OCA2: variants seen among roughly 807,000 people sequenced by gnomAD.
OCA2 encodes OCA2 melanosomal transmembrane protein, also known as P protein.
OCA2 carries 77 observed loss-of-function variants against 100.2 expected under a neutral mutation model. The ratio of observed to expected loss-of-function variants is 0.77; its 90% confidence interval spans 0.64 to 0.93. The LOEUF is 0.93. OCA2 is among the 40% of genes least tolerant of loss of function. The probability of loss-of-function intolerance (pLI) is 0.00; values close to 1 mark genes in which losing one functional copy is unlikely to be tolerated. For missense variants in OCA2, 1,062 were observed against 1,089.1 expected, an observed-to-expected ratio of 0.98 and a Z score of 0.35; for synonymous variants, 432 against 439.2, an observed-to-expected ratio of 0.98 and a Z score of 0.21.
intron 18 of OCA2, among the ~76,000 whole-genome samples, chr15:27,949,590 G>A (rs2039964166): frequency 6.6e-6 from 1 of 152,112 alleles, no homozygotes; most frequent in South Asian, 2.1e-4. Flanking sequence ...TTGAGCCCAG[G>A]AGGCAGAGGC....
At chr15:27,912,204 C>G (rs2038423493) in intron 19 of OCA2, among the ~76,000 whole-genome samples, 1 of 152,044 alleles carries the variant, frequency 6.6e-6, no homozygotes, top group Non-Finnish European at 1.5e-5. Flanking sequence ...TGTTGGTATA[C>G]AAACACATAT....
chr15:27,868,425 A>T (rs2036410653), intron 21 of OCA2, among the ~76,000 whole-genome samples: 1 of 152,224 alleles, frequency 6.6e-6, no homozygotes, highest in African/African-American at 2.4e-5. Context: ...GACAACATGG[A>T]TGAACGCAGA....
At chr15:27,847,187 C>T (rs1193598685) in intron 22 of OCA2, among the ~76,000 whole-genome samples, 5 of 152,240 alleles carry the variant, frequency 3.3e-5, no homozygotes, top group African/African-American at 1.2e-4. Context: ...AGCCCTGTTT[C>T]TTTAAAGAAT....
chr15:28,017,865 G>C (rs2042448428), intron 7 of OCA2, among the ~76,000 whole-genome samples: 1 of 152,146 alleles, frequency 6.6e-6, no homozygotes, highest in Non-Finnish European at 1.5e-5. Flanking sequence ...CCTGCCTCTG[G>C]AGTCTAGGCT....
chr15:27,753,563 G>C (rs993309738), downstream of OCA2, among the ~76,000 whole-genome samples: 9 of 151,882 alleles, frequency 5.9e-5, no homozygotes, highest in African/African-American at 2.2e-4. Flanking sequence ...GAAACCCCGT[G>C]TCTACTAAAA....
intron 21 of OCA2, among the ~76,000 whole-genome samples, chr15:27,870,103 C>A (rs960912438): frequency 1.4e-4 from 22 of 152,234 alleles, no homozygotes; most frequent in African/African-American, 2.4e-5. Context: ...GTCGGCGCTG[C>A]ATGAGCCTGG....
At position 27,957,535 on chromosome 15, in the gene OCA2, T is replaced by A. The variant is rs997304283; in HGVS notation, c.1784+53A>T. 8 of 1,603,590 alleles carry A rather than the reference T, an allele frequency of 5.0e-6. No individual in the cohort carries two copies. The East Asian group carries it at 1.8e-4, about 36-fold the overall frequency. On this transcript the variant is annotated intron_variant, in intron 16 of 23. Transcript: ENST00000354638. The surrounding 1 kb of genome is among the most constrained non-coding windows in gnomAD (Gnocchi z 4.3). Reference sequence around the variant, plus strand: ...CTAATGTCGCTATTTTGTAGGCCCATGGAATGTTCTGCTGCACACCAAGCA... The same window carrying A: ...CTAATGTCGCTATTTTGTAGGCCCAAGGAATGTTCTGCTGCACACCAAGCA...
intron 22 of OCA2, among the ~76,000 whole-genome samples, chr15:27,845,393 T>C (rs960108725): frequency 2.0e-5 from 3 of 152,070 alleles, no homozygotes; most frequent in Non-Finnish European, 4.4e-5. Flanking sequence ...AGAACGTGTG[T>C]CCCTCAGGAA....
At chr15:27,949,422 G>A (rs992900746) in intron 18 of OCA2, among the ~76,000 whole-genome samples, 5 of 152,192 alleles carry the variant, frequency 3.3e-5, no homozygotes, top group Non-Finnish European at 7.3e-5. Context: ...CCGCACTTTG[G>A]GAGGCTGAGG....
chr15:28,033,316 G>A (rs1162913544), intron 2 of OCA2, among the ~76,000 whole-genome samples: 1 of 152,206 alleles, frequency 6.6e-6, no homozygotes, highest in Non-Finnish European at 1.5e-5. Flanking sequence ...AGATGCTGTA[G>A]ATGCTATGAA....
chr15:27,869,036 C>T (rs1162685785), intron 21 of OCA2, among the ~76,000 whole-genome samples: 2 of 152,234 alleles, frequency 1.3e-5, no homozygotes, highest in Admixed American at 6.5e-5. Context: ...TTGTGACCAT[C>T]GCTGCATGCC....
At chr15:28,042,255 C>T (rs1412454148) in intron 2 of OCA2, among the ~76,000 whole-genome samples, 1 of 152,036 alleles carries the variant, frequency 6.6e-6, no homozygotes, top group African/African-American at 2.4e-5. Context: ...TACTGAAACC[C>T]TGAAATACAA....
rs200764804 is a variant in OCA2, at chr15:27,985,065, T to C, written c.1363A>G (p.Arg455Gly). 8.4e-5 allele frequency: 135 copies of C among 1,613,806 alleles called. No homozygotes were observed. The East Asian group carries it at 2.4e-3, about 28-fold the overall frequency. The change falls in exon 13 of 24, where the codon AGG (arginine) becomes GGG (glycine). Residue 455 changes from arginine to glycine, a missense_variant and splice_region_variant. Arg to Gly is a moderately radical substitution (Grantham distance 125). Transcript: ENST00000354638. ...CCACGGCAGAGGTGCTTTGCGTACC[T>C]TATGGTCACAGGCGTGAAGAGGAGC... ...TMLLFTPVTI[R>G]LCEVLNLDPR...
At chr15:27,884,376 A>T (rs1413632603) in intron 19 of OCA2, among the ~76,000 whole-genome samples, 1 of 152,192 alleles carries the variant, frequency 6.6e-6, no homozygotes, top group African/African-American at 2.4e-5. Flanking sequence ...CCCTGTTTCA[A>T]AATAAATAAA....
chr15:28,093,742 G>A (rs1048906155), intron 1 of OCA2, among the ~76,000 whole-genome samples: 8 of 152,064 alleles, frequency 5.3e-5, no homozygotes, highest in African/African-American at 1.9e-4. Flanking sequence ...CATGCATGCC[G>A]GGAAGACCAC....
chr15:27,757,741 A>G (rs79295107), intron 23 of OCA2, among the ~76,000 whole-genome samples: 3,145 of 152,330 alleles, frequency 0.021, 101 homozygotes, highest in African/African-American at 0.066. Flanking sequence ...CCCTTAGAAC[A>G]GTGAGAACAG....
chr15:27,974,676 G>A (rs1346419023), intron 14 of OCA2, among the ~76,000 whole-genome samples: 5 of 152,202 alleles, frequency 3.3e-5, no homozygotes, highest in Non-Finnish European at 5.9e-5. Context: ...GCTGAGGCAG[G>A]AGAATTGCTT....
intron 10 of OCA2, 73 bp downstream of exon 10, chr15:27,990,503 C>T (rs2041517975): frequency 1.4e-6 from 2 of 1,477,220 alleles, no homozygotes; most frequent in Non-Finnish European, 1.9e-6. Flanking sequence ...CAGCGAAAGC[C>T]TGAATCCTGG....
intron 23 of OCA2, among the ~76,000 whole-genome samples, chr15:27,793,310 G>A (rs1422568959): frequency 6.6e-6 from 1 of 151,622 alleles, no homozygotes. Flanking sequence ...GAGTGTTTGC[G>A]AAACTATTAC....
Sources: gnomAD v4.1 joint callset for allele counts (sites outside exome capture counted in the v4.1 genomes callset) on GRCh38, gnomAD v4.1.1 for gene constraint, Gnocchi (gnomAD v3.1) non-coding constraint, MANE v1.5 for transcripts, NCBI Gene and HGNC (gene_info 2026-07-23, HGNC 2026-07-21) for gene names.